Variants in ADAMTS17 observed in about 807,000 individuals in gnomAD.
ADAMTS17 encodes the protein A disintegrin and metalloproteinase with thrombospondin motifs 17.
ADAMTS17 carries 113 observed loss-of-function variants against 141.5 expected under a neutral mutation model. The ratio of observed to expected loss-of-function variants is 0.80; its 90% CI spans 0.69 to 0.93. The LOEUF is 0.93. Ranked by LOEUF, ADAMTS17 falls within the 40% of genes least tolerant of loss-of-function variation. ADAMTS17 has a pLI of 0.00. For synonymous variants in ADAMTS17, 768 were observed against 630.6 expected, an observed-to-expected ratio of 1.22 and a Z score of -3.27; for missense variants, 1,659 against 1,517.9, an observed-to-expected ratio of 1.09 and a Z score of -1.54.
chr15:100,279,308 G>A lies in ADAMTS17; in HGVS notation c.789+1921C>T, dbSNP rs145221090. Among the ~76,000 whole-genome samples, 194 of 152,262 alleles carry A rather than the reference G, an allele frequency of 1.3e-3. 1 individual carries two copies. The highest frequency in any genetic ancestry group is 4.4e-3 in the African/African-American group (181 of 41,558). ...CCAGCACTTACCCCTGAGCTCCAGC[G>A]CTCATCACACCAAGCAAACAAAGGC... On this transcript the variant is annotated intron_variant, in intron 4 of 21. Coordinates refer to ENST00000268070, the MANE Select transcript of ADAMTS17 (RefSeq NM_139057.4).
chr15:100,023,901 C>T, intron 18 of ADAMTS17, among the ~76,000 whole-genome samples: 1 of 152,192 alleles, frequency 6.6e-6, no homozygotes, highest in Non-Finnish European at 1.5e-5. Context: ...AAATTTAATT[C>T]ATGCACATTG....
intron 8 of ADAMTS17, among the ~76,000 whole-genome samples, chr15:100,157,505 G>A (rs1254081581): frequency 6.6e-6 from 1 of 152,136 alleles, no homozygotes; most frequent in Non-Finnish European, 1.5e-5. Context: ...CCTAGGTATA[G>A]ATGGCCATAT....
chr15:100,024,620 C>G (rs559795846), intron 18 of ADAMTS17, among the ~76,000 whole-genome samples: 3 of 152,192 alleles, frequency 2.0e-5, no homozygotes, highest in Non-Finnish European at 2.9e-5. Context: ...ACCCACTAGC[C>G]TGTTGGGTAT....
chr15:100,341,027 C>T lies in ADAMTS17; in HGVS notation c.450+12G>A, dbSNP rs1334759817. On this transcript the variant is annotated intron_variant, in intron 2 of 21. Coordinates refer to ENST00000268070, the MANE Select transcript of ADAMTS17 (RefSeq NM_139057.4). Reference sequence around the variant, plus strand: ...ACCGGACGGGCCGACCCGGAGGTGGCGCGGGCAGTACCAGGCCGCCGGCGG... The same window carrying T: ...ACCGGACGGGCCGACCCGGAGGTGGTGCGGGCAGTACCAGGCCGCCGGCGG... The T allele has an allele frequency of 1.3e-6, 2 of 1,524,116 alleles. No homozygotes were observed. Among genetic ancestry groups the T allele is most frequent in the South Asian group, 1.2e-5 (1 of 83,802 alleles). The allele number at this position is 1,524,116 out of a possible 1,614,324, so 94.4% of individuals were successfully genotyped here.
chr15:100,054,092 G>T (rs1315446064), intron 15 of ADAMTS17, 38 bp from the exon 16 acceptor site: 1 of 1,613,176 alleles, frequency 6.2e-7, no homozygotes, highest in African/African-American at 1.3e-5. Flanking sequence ...TCAAGGGGCT[G>T]GGGGTAGGGG....
At chr15:100,089,563 C>T (rs1479411082) in intron 15 of ADAMTS17, among the ~76,000 whole-genome samples, 2 of 151,478 alleles carry the variant, frequency 1.3e-5, no homozygotes, top group African/African-American at 2.4e-5. Context: ...TTCACAATAG[C>T]AAAGACTTGG....
At chr15:100,341,781 C>A in intron 1 of ADAMTS17, 40 bp downstream of exon 1, 1 of 1,542,260 alleles carries the variant, frequency 6.5e-7, no homozygotes, top group Non-Finnish European at 8.7e-7. Flanking sequence ...AAGGTAGCCG[C>A]AGGACGCGGG....
chr15:100,069,489 G>C (rs1567121815), intron 15 of ADAMTS17, among the ~76,000 whole-genome samples: 1 of 152,188 alleles, frequency 6.6e-6, no homozygotes, highest in African/African-American at 2.4e-5. Flanking sequence ...AGGGCAGCCA[G>C]AGAGAAAGGT....
intron 2 of ADAMTS17, among the ~76,000 whole-genome samples, chr15:100,333,614 G>T (rs1404747582): frequency 6.6e-6 from 1 of 152,228 alleles, no homozygotes; most frequent in Non-Finnish European, 1.5e-5. Flanking sequence ...TGGAACCTGG[G>T]ACTTCCTCTG....
chr15:100,189,035 G>A (rs1278052819), intron 8 of ADAMTS17, among the ~76,000 whole-genome samples: 4 of 152,226 alleles, frequency 2.6e-5, no homozygotes, highest in Admixed American at 1.3e-4. Flanking sequence ...CTTAGCTATA[G>A]TTGTCTCAAA....
chr15:100,051,151 A>G (rs1220508101), intron 17 of ADAMTS17, among the ~76,000 whole-genome samples: 7 of 152,094 alleles, frequency 4.6e-5, no homozygotes, highest in Non-Finnish European at 1.0e-4. Context: ...TTTTCTTTCC[A>G]TTGTATCCTG....
At chr15:99,992,970 C>T (rs566930550) in intron 20 of ADAMTS17, 78 bp downstream of exon 20, 59 of 1,580,196 alleles carry the variant, frequency 3.7e-5, no homozygotes, top group Middle Eastern at 4.0e-4. Context: ...AATTGGGACC[C>T]GTCACAAGAG....
intron 3 of ADAMTS17, among the ~76,000 whole-genome samples, chr15:100,321,462 C>T (rs1015466013): frequency 7.2e-5 from 11 of 152,116 alleles, no homozygotes; most frequent in Non-Finnish European, 1.3e-4. Flanking sequence ...AAGAAACATA[C>T]GTACATCATC....
At chr15:100,076,173 G>A (rs2034361941) in intron 15 of ADAMTS17, among the ~76,000 whole-genome samples, 1 of 151,984 alleles carries the variant, frequency 6.6e-6, no homozygotes, top group African/African-American at 2.4e-5. Flanking sequence ...TTCCTTAGTA[G>A]CTGGGATTAC....
intron 7 of ADAMTS17, among the ~76,000 whole-genome samples, chr15:100,231,883 C>A (rs1421287865): frequency 6.6e-6 from 1 of 152,200 alleles, no homozygotes; most frequent in Admixed American, 6.5e-5. Flanking sequence ...AATTCCTCAT[C>A]CTTTTTCTTC....
intron 3 of ADAMTS17, among the ~76,000 whole-genome samples, chr15:100,290,896 C>A (rs1472608644): frequency 1.3e-5 from 2 of 152,138 alleles, no homozygotes; most frequent in Non-Finnish European, 2.9e-5. Flanking sequence ...TATAAAAACT[C>A]TGGAAAAAAA....
rs574591427 is a variant in ADAMTS17 at position 100,080,529 on chromosome 15, A to C, written c.2137+15827T>G. 1.5e-3 allele frequency among the ~76,000 whole-genome samples: 229 copies of C among 152,250 alleles called. 1 individual carries two copies. The highest frequency in any genetic ancestry group is 2.5e-3 in the Non-Finnish European group (168 of 68,008). On this transcript the variant is annotated intron_variant, in intron 15 of 21. Transcript: ENST00000268070. ...AAATGACCCAGACCATTCAGGAATG[A>C]AGGTTTGGGTCACTCCACCAAGAAA...
intron 8 of ADAMTS17, among the ~76,000 whole-genome samples, 171 bp from the exon 9 acceptor site, chr15:100,155,491 A>G (rs1320668056): frequency 6.6e-6 from 1 of 152,230 alleles, no homozygotes; most frequent in Non-Finnish European, 1.5e-5. Context: ...ACAGAAATAG[A>G]GGGTGAGGAT....
chr15:100,005,950 C>A (rs1240448926), intron 18 of ADAMTS17, among the ~76,000 whole-genome samples: 4 of 148,206 alleles, frequency 2.7e-5, no homozygotes, highest in East Asian at 3.9e-4. Flanking sequence ...AAGCATCACT[C>A]CAGCCCCAGC....
Sources: gnomAD v4.1 joint callset for allele counts (sites outside exome capture counted in the v4.1 genomes callset) on GRCh38, gnomAD v4.1.1 for gene constraint, MANE v1.5 for transcripts, NCBI Gene and HGNC (gene_info 2026-07-23, HGNC 2026-07-21) for gene names.